COL20A1: variants seen among roughly 807,000 people sequenced by gnomAD.
COL20A1 encodes collagen alpha-1(XX) chain.
A neutral mutation model predicts 152.9 loss-of-function variants in COL20A1; 164 were observed. That is an observed-to-expected ratio of 1.07 (90% CI 0.94 to 1.22). The LOEUF is 1.22. Ranked by LOEUF, COL20A1 falls within the 50% of genes most tolerant of loss-of-function variation. The pLI is 0.00. For synonymous variants in COL20A1, 864 were observed against 756.0 expected (o/e 1.14, Z -2.34); for missense variants, 1,873 against 1,744.8 (o/e 1.07, Z -1.31).
chr20:63,307,133 G>A (rs953584370), intron 5 of COL20A1, among the ~76,000 whole-genome samples: 17 of 152,342 alleles, frequency 1.1e-4, no homozygotes, highest in African/African-American at 3.6e-4. Context: ...ACAGCGCCGC[G>A]CTGCGGTGCT....
chr20:63,304,109 A>G (rs2067892474), intron 3 of COL20A1, among the ~76,000 whole-genome samples: 1 of 141,646 alleles, frequency 7.1e-6, no homozygotes, highest in Non-Finnish European at 1.5e-5. Flanking sequence ...CCAGGTGTGC[A>G]GGTGTGGGTT....
rs1375448422 is a variant in COL20A1, at chr20:63,320,120, G to A, written c.2998G>A (p.Gly1000Ser). The part of the protein sequence containing the change: ...KVAERPLGEM[G>S]SPPAAGFVTL... ...GGCTGAGCGGCCCCTTGGGGAGATGGGCAGCCCACCCGCTGCGGGCTTCGT... is the reference window on the plus strand; with the variant it reads ...GGCTGAGCGGCCCCTTGGGGAGATGAGCAGCCCACCCGCTGCGGGCTTCGT... Residue 1000 changes from glycine to serine, a missense_variant, in exon 24 of 36, where the codon GGC becomes AGC. Coordinates refer to ENST00000358894, the MANE Select transcript of COL20A1 (RefSeq NM_020882.4). 9.7e-6 allele frequency: 15 copies of A among 1,550,668 alleles called. No homozygotes were observed. Among genetic ancestry groups the A allele is most frequent in the Admixed American group, 5.9e-5 (3 of 51,160 alleles).
chr20:63,315,298 A>G, intron 19 of COL20A1, 106 bp from the exon 20 acceptor site: 1 of 1,118,598 alleles, frequency 8.9e-7, no homozygotes, highest in Non-Finnish European at 1.3e-6. Context: ...ATACAGATGG[A>G]GCACAGGCTG....
chr20:63,316,015 C>A (rs533723873), intron 20 of COL20A1, among the ~76,000 whole-genome samples: 19 of 152,336 alleles, frequency 1.2e-4, no homozygotes, highest in Non-Finnish European at 2.8e-4. Context: ...TGCGGCTCTG[C>A]GCGGTGGGGC....
rs1229421145 is a variant in COL20A1, at chr20:63,331,252, C to T, written c.*536C>T. 1 of 152,410 alleles carries T rather than the reference C, an allele frequency of 6.6e-6. No homozygotes were observed. Among genetic ancestry groups the T allele is most frequent in the Non-Finnish European group, 1.5e-5 (1 of 68,148 alleles). The allele number at this position is 152,410 out of a possible 1,614,324, so 9.4% of individuals were successfully genotyped here. On this transcript the variant is annotated 3_prime_UTR_variant, in exon 36 of 36. Coordinates refer to ENST00000358894, the MANE Select transcript of COL20A1 (RefSeq NM_020882.4). ...CAGTCACCTGCACGATGGCTCCTCC[C>T]TCAGAACAGCACTCCCACCCCGGCC...
At chr20:63,327,239 A>G (rs2123436100) in intron 31 of COL20A1, 1 of 189,100 alleles carries the variant, frequency 5.3e-6, no homozygotes, top group South Asian at 9.2e-5. Flanking sequence ...CCTGTTGGCC[A>G]CTCAGGGACT....
chr20:63,316,760 G>A, intron 21 of COL20A1, 69 bp downstream of exon 21: 1 of 1,408,216 alleles, frequency 7.1e-7, no homozygotes, highest in Non-Finnish European at 9.4e-7. Context: ...GGAGGACATG[G>A]TGGGGGGGCG....
rs2068031157 is a variant in COL20A1 at position 63,312,914 on chromosome 20, GGA to G, written c.2060_2061del (p.Glu687GlyfsTer41). 1 of 1,555,766 alleles carries G rather than the reference GGA, an allele frequency of 6.4e-7. No homozygotes were observed. Among genetic ancestry groups the G allele is most frequent in the Middle Eastern group, 1.7e-4 (1 of 5,918 alleles). ...LVYQITWTPLGEGKAHEISVP... is the reference protein window; with the variant it reads ...LVYQITWTPLXEGKAHEISVP... ...CTACCAGATCACGTGGACGCCCCTG[GGA>G]GAGGGGAAGGCTCACGAGGTGGGCA... On this transcript the variant is annotated frameshift_variant, in exon 16 of 36. Coordinates refer to ENST00000358894, the MANE Select transcript of COL20A1 (RefSeq NM_020882.4). LOFTEE classifies it high-confidence loss of function.
intron 3 of COL20A1, among the ~76,000 whole-genome samples, chr20:63,303,499 C>T (rs1203875700): frequency 6.6e-6 from 1 of 152,132 alleles, no homozygotes; most frequent in Non-Finnish European, 1.5e-5. Context: ...TGTGATTGGT[C>T]CTTTGTGCCT....
chr20:63,294,540 C>CA (rs910449360), intron 1 of COL20A1, among the ~76,000 whole-genome samples: 3 of 152,042 alleles, frequency 2.0e-5, no homozygotes, highest in Non-Finnish European at 4.4e-5. Flanking sequence ...GTGGCACACA[C>CA]ACCCTGCACC....
chr20:63,316,616 C>G lies in COL20A1; in HGVS notation c.2588C>G (p.Ala863Gly). Residue 863 changes from alanine to glycine, a missense_variant, in exon 21 of 36, where the codon GCC (alanine) becomes GGC (glycine). Physicochemically the swap from Ala to Gly is moderately conservative, Grantham distance 60. Transcript: ENST00000358894. ...GCTTATGCGTCCATCCGGGGCGTGGCCATGGAGCCCTCTGCCTTCGGTGGG... is the reference window on the plus strand; with the variant it reads ...GCTTATGCGTCCATCCGGGGCGTGGGCATGGAGCCCTCTGCCTTCGGTGGG... ...EKAYASIRGV[A>G]MEPSAFGGTP... is the part of the protein sequence containing the mutation. The G allele has an allele frequency of 6.3e-7, 1 of 1,582,654 alleles. No homozygotes were observed. The highest frequency in any genetic ancestry group is 8.6e-7 in the Non-Finnish European group (1 of 1,164,730).
At chr20:63,329,302 G>C (rs550727537) in intron 34 of COL20A1, 19 of 509,746 alleles carry the variant, frequency 3.7e-5, no homozygotes, top group Non-Finnish European at 5.9e-5. Flanking sequence ...GGCCCCCTCT[G>C]CACCCACCTG....
At chr20:63,294,006 A>T (rs1234059567) in intron 1 of COL20A1, among the ~76,000 whole-genome samples, 1 of 143,252 alleles carries the variant, frequency 7.0e-6, no homozygotes, top group African/African-American at 2.6e-5. Flanking sequence ...CCATGCCCTC[A>T]GCTCAGCACA....
chr20:63,301,264 G>A (rs1470632251), intron 3 of COL20A1, among the ~76,000 whole-genome samples: 1 of 152,146 alleles, frequency 6.6e-6, no homozygotes, highest in East Asian at 1.9e-4. Context: ...GCAGTGAGCC[G>A]AGATGGCACC....
Position 63,328,508 on chromosome 20 carries a change from T to C in COL20A1, c.3781+10T>C. ...CACCTTGAGGGCAGAGGTACTGGGCTCCTGGCTCTTGGGGAGGGAGTTGTG... is the reference window on the plus strand; with the variant it reads ...CACCTTGAGGGCAGAGGTACTGGGCCCCTGGCTCTTGGGGAGGGAGTTGTG... On this transcript the variant is annotated intron_variant, in intron 34 of 35. Coordinates refer to ENST00000358894, the MANE Select transcript of COL20A1 (RefSeq NM_020882.4). The C allele has an allele frequency of 6.2e-7, 1 of 1,601,472 alleles. No homozygotes were observed. Among genetic ancestry groups the C allele is most frequent in the East Asian group, 2.2e-5 (1 of 44,628 alleles).
At chr20:63,310,582 C>T (rs2067992465) in intron 11 of COL20A1, 72 bp downstream of exon 11, 1 of 1,444,934 alleles carries the variant, frequency 6.9e-7, no homozygotes. Context: ...TGGAGCCTGA[C>T]ACCCCAGGGC....
chr20:63,325,803 G>A, intron 29 of COL20A1, 82 bp downstream of exon 29: 5 of 1,243,788 alleles, frequency 4.0e-6, no homozygotes, highest in South Asian at 3.9e-5. Flanking sequence ...TGGAGGCTGT[G>A]GGGTAGGGAG....
intron 20 of COL20A1, among the ~76,000 whole-genome samples, chr20:63,316,074 C>T (rs1300765268): frequency 6.6e-6 from 1 of 152,118 alleles, no homozygotes; most frequent in Non-Finnish European, 1.5e-5. Flanking sequence ...GTGGATGGAG[C>T]GAGCTGGCCA....
intron 3 of COL20A1, among the ~76,000 whole-genome samples, chr20:63,298,299 AT>A (rs935838741): frequency 1.3e-5 from 2 of 151,978 alleles, no homozygotes; most frequent in African/African-American, 4.8e-5. Context: ...TCAATTTTTA[AT>A]TTTTTTTAAA....
Sources: allele counts gnomAD v4.1 joint callset (sites outside exome capture counted in the v4.1 genomes callset), GRCh38; gene constraint gnomAD v4.1.1; transcripts MANE v1.5; gene names NCBI Gene and HGNC (gene_info 2026-07-23, HGNC 2026-07-21).